DNAJC1: variants seen among roughly 807,000 people sequenced by gnomAD.
DNAJC1 encodes dnaJ homolog subfamily C member 1.
DNAJC1 carries 58 observed loss-of-function variants against 76.6 expected under a neutral mutation model. The observed-to-expected ratio is 0.76, with a 90% CI of 0.61 to 0.94. DNAJC1 has a LOEUF of 0.94. DNAJC1 is among the 40% of genes least tolerant of loss of function. The pLI, the probability that DNAJC1 is intolerant of heterozygous loss-of-function variation, is 0.00. For missense variants in DNAJC1, 689 were observed against 677.3 expected (o/e 1.02, Z -0.19); for synonymous variants, 258 against 267.9 (o/e 0.96, Z 0.36).
chr10:21,849,527 GA>G (rs1378559574), intron 8 of DNAJC1, among the ~76,000 whole-genome samples: 2 of 151,610 alleles, frequency 1.3e-5, no homozygotes, highest in African/African-American at 4.8e-5. Context: ...CTGACAGGGG[GA>G]AAAAAAGAGG....
At chr10:21,763,173 C>CGCCCATCTTG (rs1564780116) in intron 10 of DNAJC1, among the ~76,000 whole-genome samples, 2 of 152,120 alleles carry the variant, frequency 1.3e-5, no homozygotes, top group Non-Finnish European at 2.9e-5. Flanking sequence ...TCAGGTGATC[C>CGCCCATCTTG]GCCCATCTTG....
intron 8 of DNAJC1, among the ~76,000 whole-genome samples, chr10:21,881,924 G>A (rs1244428661): frequency 4.0e-5 from 6 of 151,206 alleles, no homozygotes; most frequent in Admixed American, 2.0e-4. Flanking sequence ...GGAGGCCGAG[G>A]GGGGCAGATC....
At chr10:21,922,199 G>C (rs1837053320) in intron 3 of DNAJC1, among the ~76,000 whole-genome samples, 3 of 152,016 alleles carry the variant, frequency 2.0e-5, no homozygotes, top group South Asian at 2.1e-4. Context: ...CAATTTAAAT[G>C]CAACAACTGC....
intron 1 of DNAJC1, among the ~76,000 whole-genome samples, chr10:21,957,142 G>A (rs542245748): frequency 2.6e-3 from 389 of 151,930 alleles, no homozygotes; most frequent in African/African-American, 9.0e-3. Flanking sequence ...CACCCGCCTC[G>A]GCCTCCCAAA....
chr10:21,835,768 T>C (rs1337616641), intron 8 of DNAJC1, among the ~76,000 whole-genome samples: 1 of 151,702 alleles, frequency 6.6e-6, no homozygotes. Flanking sequence ...AGAAGAGAAG[T>C]TTACATAAAA....
At chr10:21,831,655 T>C (rs1416993103) in intron 8 of DNAJC1, among the ~76,000 whole-genome samples, 1 of 151,962 alleles carries the variant, frequency 6.6e-6, no homozygotes, top group Admixed American at 6.6e-5. Flanking sequence ...CCAGGCATGG[T>C]GGCAGGCGCC....
At chr10:21,851,337 C>T (rs1005303516) in intron 8 of DNAJC1, among the ~76,000 whole-genome samples, 8 of 152,224 alleles carry the variant, frequency 5.3e-5, no homozygotes, top group Middle Eastern at 3.4e-3. Context: ...AGAAGCTACA[C>T]AACAAATGGC....
Position 21,928,546 on chromosome 10 carries a change from C to T in DNAJC1, c.331G>A (p.Ala111Thr). ...NAETQFRQLV[A>T]IYEVLKDDER... ...TCATCCTTTAAAACTTCATAAATGG[C>T]CACCAACTAAAATAAAAGCATTACT... The change falls in exon 3 of 12, where the codon GCC becomes ACC. Residue 111 changes from alanine (A) to threonine (T), a missense_variant. Physicochemically the swap from Ala to Thr is moderately conservative, Grantham distance 58. Coordinates refer to ENST00000376980, the MANE Select transcript of DNAJC1 (RefSeq NM_022365.4). 1 of 1,611,442 alleles carries T rather than the reference C, an allele frequency of 6.2e-7. No homozygotes were observed. Among genetic ancestry groups the T allele is most frequent in the Non-Finnish European group, 8.5e-7 (1 of 1,177,970 alleles).
At chr10:21,843,980 T>C (rs1261281367) in intron 8 of DNAJC1, among the ~76,000 whole-genome samples, 1 of 152,176 alleles carries the variant, frequency 6.6e-6, no homozygotes, top group Non-Finnish European at 1.5e-5. Flanking sequence ...CATACTGTTC[T>C]CATGGTAGTG....
chr10:21,791,983 C>T (rs900060128), intron 9 of DNAJC1, among the ~76,000 whole-genome samples: 1 of 151,782 alleles, frequency 6.6e-6, no homozygotes, highest in African/African-American at 2.4e-5. Flanking sequence ...CTTAGCGTAA[C>T]CAAAAGAAAT....
At chr10:21,797,773 G>A (rs1386026774) in intron 9 of DNAJC1, among the ~76,000 whole-genome samples, 1 of 152,070 alleles carries the variant, frequency 6.6e-6, no homozygotes, top group African/African-American at 2.4e-5. Context: ...GTGTTCTACA[G>A]TGGGATGACG....
At chr10:21,910,725 G>A (rs1836841275) in intron 6 of DNAJC1, among the ~76,000 whole-genome samples, 1 of 151,494 alleles carries the variant, frequency 6.6e-6, no homozygotes, top group East Asian at 2.0e-4. Context: ...TTAATACCTA[G>A]GTGATGGGTA....
At chr10:21,765,001 A>G (rs11596248) in intron 10 of DNAJC1, among the ~76,000 whole-genome samples, 2,158 of 152,124 alleles carry the variant, frequency 0.014, 28 homozygotes, top group Middle Eastern at 0.031. Context: ...ACCCCCCTCC[A>G]CCAAGCTCCA....
chr10:21,872,046 A>G (rs1836112517), intron 8 of DNAJC1, among the ~76,000 whole-genome samples: 2 of 151,546 alleles, frequency 1.3e-5, no homozygotes, highest in Admixed American at 1.3e-4. Context: ...CCAGACAATG[A>G]ACTTTCTAGA....
chr10:21,873,082 T>C (rs896072392), intron 8 of DNAJC1, among the ~76,000 whole-genome samples: 6 of 152,146 alleles, frequency 3.9e-5, no homozygotes, highest in South Asian at 2.1e-4. Context: ...TAATAACCGG[T>C]GCACGCATCC....
intron 8 of DNAJC1, among the ~76,000 whole-genome samples, chr10:21,872,623 C>T (rs1296999198): frequency 6.6e-6 from 1 of 151,812 alleles, no homozygotes; most frequent in East Asian, 1.9e-4. Context: ...ATGATCTGGG[C>T]TGAGGAACAG....
In DNAJC1 at chr10:21,781,670, G is replaced by A. The variant is rs563610077; in HGVS notation, c.1099-15361C>T. Among the ~76,000 whole-genome samples, 294 of 140,762 alleles carry A rather than the reference G, an allele frequency of 2.1e-3. 2 individuals carry two copies. Among genetic ancestry groups the A allele is most frequent in the Non-Finnish European group, 3.5e-3 (234 of 66,542 alleles). The allele number at this position is 140,762 out of a possible 152,430, so 92.3% of individuals were successfully genotyped here. On this transcript the variant is annotated intron_variant, in intron 9 of 11. Transcript: ENST00000376980. ...TGGGAGGCGGAGCTTGCAGTGAGCC[G>A]AGATCGTGCCACTGCACTCCAGCCT... is the stretch of plus-strand genomic sequence containing the variant.
intron 7 of DNAJC1, among the ~76,000 whole-genome samples, chr10:21,895,361 G>A (rs1009070372): frequency 2.6e-5 from 4 of 152,166 alleles, no homozygotes; most frequent in African/African-American, 9.7e-5. Context: ...TGGAAGAAGG[G>A]CCACCCTTGC....
intron 1 of DNAJC1, among the ~76,000 whole-genome samples, chr10:21,998,641 T>C (rs1234978445): frequency 6.6e-6 from 1 of 152,108 alleles, no homozygotes; most frequent in Non-Finnish European, 1.5e-5. Context: ...CTAAACATGG[T>C]ATGAATGACT....
Sources: allele counts gnomAD v4.1 joint callset (sites outside exome capture counted in the v4.1 genomes callset), GRCh38; gene constraint gnomAD v4.1.1; transcripts MANE v1.5; gene names NCBI Gene and HGNC (gene_info 2026-07-23, HGNC 2026-07-21).